CRTAC1: variants seen among roughly 807,000 people sequenced by gnomAD.
CRTAC1 encodes acidic secreted protein in cartilage.
Under a neutral mutation model 67.8 loss-of-function variants are expected in CRTAC1, and 37 were observed. The observed-to-expected ratio is 0.55, with a 90% CI of 0.42 to 0.72. CRTAC1 has a LOEUF of 0.72. CRTAC1 is among the 30% of genes least tolerant of loss of function. The pLI is 0.00. For missense variants in CRTAC1, 780 were observed against 931.6 expected, an observed-to-expected ratio of 0.84 and a Z score of 2.12; for synonymous variants, 348 against 371.0, an observed-to-expected ratio of 0.94 and a Z score of 0.71.
intron 7 of CRTAC1, among the ~76,000 whole-genome samples, chr10:97,903,000 C>A (rs887377333): frequency 7.9e-5 from 12 of 151,896 alleles, no homozygotes; most frequent in Admixed American, 4.6e-4. Flanking sequence ...CTCCCATAGC[C>A]CCCTTGGGGT....
chr10:97,897,002 G>C lies in CRTAC1; in HGVS notation c.1134-11C>G, dbSNP rs149227393. 8.2e-5 allele frequency: 127 copies of C among 1,551,390 alleles called. No individual in the cohort carries two copies. Among genetic ancestry groups the C allele is most frequent in the African/African-American group, 4.1e-4 (30 of 73,434 alleles). ...TCTCTACGGATGACGCTGCAGGAGA[G>C]GAGACAGGCTTGCTCTGGTGGGGTC... On this transcript the variant is annotated splice_polypyrimidine_tract_variant and intron_variant, in intron 8 of 14. Transcript: ENST00000370597.
intron 2 of CRTAC1, among the ~76,000 whole-genome samples, chr10:97,958,186 G>A (rs2051470860): frequency 6.6e-6 from 1 of 152,102 alleles, no homozygotes; most frequent in Admixed American, 6.5e-5. Flanking sequence ...GTAACCTCCT[G>A]GCTCCCTCAG....
chr10:97,937,277 C>T (rs951846617), intron 2 of CRTAC1, among the ~76,000 whole-genome samples: 7 of 152,070 alleles, frequency 4.6e-5, no homozygotes, highest in Non-Finnish European at 7.4e-5. Flanking sequence ...ACATCCACAC[C>T]GCTGGCTCCC....
At chr10:97,969,717 A>T (rs2051677381) in intron 2 of CRTAC1, among the ~76,000 whole-genome samples, 1 of 151,930 alleles carries the variant, frequency 6.6e-6, no homozygotes, top group Non-Finnish European at 1.5e-5. Context: ...ATCATGCCTT[A>T]TCTCCCCACC....
chr10:98,022,769 A>T (rs563991732), intron 1 of CRTAC1, among the ~76,000 whole-genome samples: 1 of 152,190 alleles, frequency 6.6e-6, no homozygotes, highest in African/African-American at 2.4e-5. Context: ...ACAGGATCAG[A>T]CTTGCATTTT....
rs571436527 is a variant in CRTAC1 at position 97,936,276 on chromosome 10, G to A, written c.315C>T (p.Tyr105=). The A allele has an allele frequency of 4.7e-5, 76 of 1,614,142 alleles. No homozygotes were observed. Among genetic ancestry groups the A allele is most frequent in the East Asian group, 2.5e-4 (11 of 44,876 alleles). Residue 105 remains tyrosine, a synonymous_variant, in exon 3 of 15, where the codon TAC becomes TAT. Transcript: ENST00000370597. ...CGTTCCCCTGCCGGTCCCGCAGCGC[G>A]TAGTAGGGTGAGCTGCGCTCATCGA... ...IAVDERSSPY[Y]ALRDRQGNAI...
rs1590310727 is a variant in CRTAC1 at position 98,030,416 on chromosome 10, C to T, written c.24+33G>A. ...GCAGAGCTGGAGAAACTTTCTCCGC[C>T]TTAGGGTGGGGGGCACCGGTGCAGA... is the stretch of plus-strand genomic sequence containing the variant. On this transcript the variant is annotated intron_variant, in intron 1 of 14. Coordinates refer to ENST00000370597, the MANE Select transcript of CRTAC1 (RefSeq NM_018058.7). This position sits in a 1 kb window ranked among gnomAD's most constrained non-coding sequence, Gnocchi z 4.2. The T allele has an allele frequency of 8.1e-7, 1 of 1,240,920 alleles. No homozygotes were observed. Among genetic ancestry groups the T allele is most frequent in the Non-Finnish European group, 1.0e-6 (1 of 981,052 alleles). 76.9% of individuals were successfully genotyped at this position (1,240,920 alleles called of 1,614,324 possible). A position where few individuals can be genotyped will look rare whatever the true frequency, so the allele number is the denominator to read the frequency against.
intron 11 of CRTAC1, among the ~76,000 whole-genome samples, chr10:97,887,175 C>T (rs972531812): frequency 9.3e-5 from 14 of 151,052 alleles, no homozygotes; most frequent in African/African-American, 2.7e-4. Context: ...AAAAGAGTCA[C>T]GGAATATTCA....
chr10:97,917,522 C>T lies in CRTAC1; in HGVS notation c.693G>A (p.Glu231=). 1.3e-6 allele frequency: 2 copies of T among 1,585,998 alleles called. No individual in the cohort carries two copies. Among genetic ancestry groups the T allele is most frequent in the Non-Finnish European group, 1.7e-6 (2 of 1,162,362 alleles). Reference sequence around the variant, plus strand: ...TACCTGTATATTTGCTGACCCCAGCCTCAGCAGCCACATCTCTGAGCGCCA... The same window carrying T: ...TACCTGTATATTTGCTGACCCCAGCTTCAGCAGCCACATCTCTGAGCGCCA... ...GILALRDVAA[E]AGVSKYTGGR... is the part of the protein sequence containing the mutation. Residue 231 remains glutamate (E), a synonymous_variant, in exon 5 of 15, where the codon GAG becomes GAA. Transcript: ENST00000370597.
At chr10:97,946,469 T>C (rs559530949) in intron 2 of CRTAC1, among the ~76,000 whole-genome samples, 91 of 152,232 alleles carry the variant, frequency 6.0e-4, no homozygotes, top group African/African-American at 2.1e-3. Context: ...TGTTCTCTCC[T>C]CAGTTTGCAT....
intron 11 of CRTAC1, 110 bp from the exon 12 acceptor site, chr10:97,884,461 T>A: frequency 9.8e-7 from 1 of 1,025,008 alleles, no homozygotes; most frequent in Non-Finnish European, 1.4e-6. Flanking sequence ...AATTGAGCAC[T>A]GTTCTAAGTG....
At chr10:97,950,238 C>CAGAG (rs564204105) in intron 2 of CRTAC1, among the ~76,000 whole-genome samples, 1 of 69,744 alleles carries the variant, frequency 1.4e-5, no homozygotes, top group African/African-American at 6.6e-5. Context: ...TACGTGCACA[C>CAGAG]ACACACACAG....
At chr10:97,873,955 G>T (rs977931178) in intron 14 of CRTAC1, among the ~76,000 whole-genome samples, 6 of 152,198 alleles carry the variant, frequency 3.9e-5, no homozygotes, top group Non-Finnish European at 7.3e-5. Context: ...TCTGTTACTT[G>T]ATGGGCACGT....
intron 14 of CRTAC1, among the ~76,000 whole-genome samples, chr10:97,874,244 G>A (rs767542719): frequency 2.0e-4 from 30 of 152,322 alleles, no homozygotes; most frequent in African/African-American, 6.5e-4. Context: ...GACTTCTCAG[G>A]TGTTCCTGGA....
At chr10:97,915,519 C>A (rs1378183102) in intron 5 of CRTAC1, among the ~76,000 whole-genome samples, 1 of 152,192 alleles carries the variant, frequency 6.6e-6, no homozygotes, top group East Asian at 1.9e-4. Context: ...TTCTCAGGCC[C>A]CCTGGCACCA....
chr10:98,015,304 C>T (rs1424508494), intron 1 of CRTAC1, among the ~76,000 whole-genome samples: 1 of 152,076 alleles, frequency 6.6e-6, no homozygotes, highest in African/African-American at 2.4e-5. Flanking sequence ...TAGTCAGATT[C>T]ATAGAGGTAG....
chr10:97,875,491 A>G (rs545897001), intron 14 of CRTAC1, among the ~76,000 whole-genome samples: 2 of 152,354 alleles, frequency 1.3e-5, no homozygotes, highest in East Asian at 3.9e-4. Flanking sequence ...GGTGTTAACC[A>G]GCCCATGTTC....
Position 97,899,362 on chromosome 10 carries a change from C to T in CRTAC1, c.1133+2141G>A, listed in dbSNP as rs188204113. 2.9e-3 allele frequency among the ~76,000 whole-genome samples: 435 copies of T among 152,314 alleles called. 1 individual carries two copies. Among genetic ancestry groups the T allele is most frequent in the Non-Finnish European group, 5.2e-3 (354 of 68,028 alleles). On this transcript the variant is annotated intron_variant, in intron 8 of 14. Coordinates refer to ENST00000370597, the MANE Select transcript of CRTAC1 (RefSeq NM_018058.7). ...CCATTGACAGCTCTGGGCCAGCCTG[C>T]CTTGTCCTTCCACCCAGCCCTTTCT...
At chr10:97,871,482 G>A (rs1297091229) in intron 14 of CRTAC1, 1 of 152,258 alleles carries the variant, frequency 6.6e-6, no homozygotes, top group Non-Finnish European at 1.5e-5. Flanking sequence ...GCCTCATGAT[G>A]TAGATTTATA....
Sources: allele counts gnomAD v4.1 joint callset (sites outside exome capture counted in the v4.1 genomes callset), GRCh38; gene constraint gnomAD v4.1.1; non-coding constraint Gnocchi (gnomAD v3.1); transcripts MANE v1.5; gene names NCBI Gene and HGNC (gene_info 2026-07-23, HGNC 2026-07-21).